Variants in CFAP299 observed in about 807,000 individuals in gnomAD.
CFAP299 encodes the protein cilia- and flagella-associated protein 299.
In CFAP299, 21 loss-of-function variants were observed where a neutral mutation model predicts 27.0. The ratio of observed to expected loss-of-function variants is 0.78; its 90% CI spans 0.55 to 1.12. The LOEUF (loss-of-function observed/expected upper bound fraction) is 1.12, where lower values mean the gene tolerates loss of function less well. CFAP299 is among the 50% of genes most tolerant of loss of function. CFAP299 has a pLI of 0.00. For missense variants in CFAP299, 310 were observed against 276.6 expected, an observed-to-expected ratio of 1.12 and a Z score of -0.86; for synonymous variants, 104 against 98.1, an observed-to-expected ratio of 1.06 and a Z score of -0.36.
At chr4:80,520,046 G>A (rs961324914) in intron 2 of CFAP299, among the ~76,000 whole-genome samples, 5 of 152,126 alleles carry the variant, frequency 3.3e-5, no homozygotes, top group South Asian at 2.1e-4. Flanking sequence ...CCCTATCTCC[G>A]TTCTAGGCTA....
At chr4:80,674,565 G>A (rs546583984) in intron 3 of CFAP299, among the ~76,000 whole-genome samples, 9 of 152,214 alleles carry the variant, frequency 5.9e-5, no homozygotes, top group Admixed American at 1.3e-4. Flanking sequence ...TTGAATGTTG[G>A]CGTGCCTTGC....
intron 1 of CFAP299, among the ~76,000 whole-genome samples, chr4:80,354,591 G>A (rs1331720410): frequency 6.6e-6 from 1 of 151,966 alleles, no homozygotes; most frequent in Non-Finnish European, 1.5e-5. Context: ...GTGTCATGGG[G>A]ATTTGTTGTA....
chr4:80,435,999 G>A (rs1049666323), intron 2 of CFAP299, among the ~76,000 whole-genome samples: 5 of 152,182 alleles, frequency 3.3e-5, no homozygotes, highest in African/African-American at 9.7e-5. Flanking sequence ...GCTGGGTGCA[G>A]TAATTGATGA....
At chr4:80,789,115 G>T (rs1329188443) in intron 3 of CFAP299, among the ~76,000 whole-genome samples, 3 of 150,912 alleles carry the variant, frequency 2.0e-5, no homozygotes, top group Admixed American at 2.0e-4. Context: ...AATACTAAGA[G>T]ATTTTGGTTA....
intron 4 of CFAP299, among the ~76,000 whole-genome samples, chr4:80,884,408 A>G (rs968823250): frequency 1.3e-5 from 2 of 152,188 alleles, no homozygotes; most frequent in African/African-American, 4.8e-5. Flanking sequence ...CACTCCTGAA[A>G]ACCAACAGGT....
chr4:80,823,412 ACCT>A (rs1162167829), intron 3 of CFAP299, among the ~76,000 whole-genome samples: 6 of 151,956 alleles, frequency 3.9e-5, no homozygotes, highest in Non-Finnish European at 1.5e-5. Context: ...AGACCCAGAG[ACCT>A]CCTTTTATTG....
At chr4:80,637,303 A>G (rs183053092) in intron 3 of CFAP299, among the ~76,000 whole-genome samples, 8 of 152,204 alleles carry the variant, frequency 5.3e-5, no homozygotes, top group Admixed American at 2.0e-4. Context: ...TAATAGATAT[A>G]ATATAATGTA....
At chr4:80,427,285 T>C (rs6823681) in intron 2 of CFAP299, among the ~76,000 whole-genome samples, 1,702 of 152,302 alleles carry the variant, frequency 0.011, 41 homozygotes, top group African/African-American at 0.038. Context: ...TTATTTTACT[T>C]TGTATATCAC....
intron 3 of CFAP299, among the ~76,000 whole-genome samples, chr4:80,614,316 G>A (rs1003078017): frequency 4.6e-5 from 7 of 152,178 alleles, no homozygotes; most frequent in Non-Finnish European, 7.3e-5. Flanking sequence ...GTCCTAAGAG[G>A]TGAATTTGTG....
intron 2 of CFAP299, among the ~76,000 whole-genome samples, chr4:80,415,397 G>C (rs1726946976): frequency 6.6e-6 from 1 of 152,102 alleles, no homozygotes; most frequent in Admixed American, 6.6e-5. Flanking sequence ...ATTGCTTCTT[G>C]TACAGTGTAG....
intron 3 of CFAP299, among the ~76,000 whole-genome samples, chr4:80,607,415 C>CAG (rs3037550): frequency 0.94 from 142,596 of 151,818 alleles, 67,015 homozygotes; most frequent in East Asian, 1. Flanking sequence ...GGTGGAGAAA[C>CAG]AGAGAAAGTG....
intron 2 of CFAP299, among the ~76,000 whole-genome samples, chr4:80,371,463 C>A (rs891641400): frequency 6.6e-6 from 1 of 152,160 alleles, no homozygotes; most frequent in African/African-American, 2.4e-5. Flanking sequence ...GGCTAGGCTG[C>A]AAATTTTCCA....
chr4:80,342,592 T>C (rs969045477), intron 1 of CFAP299, among the ~76,000 whole-genome samples: 1 of 152,080 alleles, frequency 6.6e-6, no homozygotes, highest in Non-Finnish European at 1.5e-5. Flanking sequence ...ACAGGAGAAA[T>C]AAGATCCTTT....
intron 3 of CFAP299, among the ~76,000 whole-genome samples, chr4:80,676,511 G>T (rs1398575116): frequency 6.6e-6 from 1 of 152,038 alleles, no homozygotes; most frequent in Non-Finnish European, 1.5e-5. Flanking sequence ...CAATTTTTTT[G>T]AAAAGTTTGG....
chr4:80,755,812 C>T (rs1030415225), intron 3 of CFAP299, among the ~76,000 whole-genome samples: 1 of 152,126 alleles, frequency 6.6e-6, no homozygotes, highest in Admixed American at 6.5e-5. Context: ...CTGGCATAAA[C>T]AGCACTGTTC....
At chr4:80,363,113 G>A (rs149384038) in intron 2 of CFAP299, among the ~76,000 whole-genome samples, 263 of 152,208 alleles carry the variant, frequency 1.7e-3, no homozygotes, top group African/African-American at 5.6e-3. Flanking sequence ...CCAAAATATG[G>A]TCATCATACC....
chr4:80,821,199 G>A (rs936838954), intron 3 of CFAP299, among the ~76,000 whole-genome samples: 4 of 152,044 alleles, frequency 2.6e-5, no homozygotes, highest in Admixed American at 1.3e-4. Flanking sequence ...TGAGTAATCC[G>A]ACTAAATAAA....
intron 2 of CFAP299, among the ~76,000 whole-genome samples, chr4:80,469,036 C>T (rs1028979186): frequency 8.5e-5 from 13 of 152,116 alleles, no homozygotes; most frequent in African/African-American, 2.4e-4. Flanking sequence ...AAAAAGCAAT[C>T]GGCAAAAATA....
At chr4:80,415,113 T>C (rs1726933291) in intron 2 of CFAP299, among the ~76,000 whole-genome samples, 1 of 152,208 alleles carries the variant, frequency 6.6e-6, no homozygotes, top group African/African-American at 2.4e-5. Flanking sequence ...CAATAAATAT[T>C]TGCTAAATTA....
Sources: allele counts gnomAD v4.1 joint callset (sites outside exome capture counted in the v4.1 genomes callset), GRCh38; gene constraint gnomAD v4.1.1; transcripts MANE v1.5; gene names NCBI Gene and HGNC (gene_info 2026-07-23, HGNC 2026-07-21).